NRXN3: variants seen among roughly 807,000 people sequenced by gnomAD.
The protein encoded by NRXN3 is neurexin III.
In NRXN3, 32 loss-of-function variants were observed where a neutral mutation model predicts 137.6. That is an observed-to-expected ratio of 0.23 (90% CI 0.18 to 0.31). The LOEUF is 0.31. Among genes scored for constraint, NRXN3 ranks in the 10% least tolerant of loss-of-function variants. The pLI is 1.00. For synonymous variants in NRXN3, 798 were observed against 784.5 expected (o/e 1.02, Z -0.29); for missense variants, 1,574 against 2,062.5 (o/e 0.76, Z 4.59).
chr14:79,537,633 A>G (rs60536527), intron 16 of NRXN3, among the ~76,000 whole-genome samples: 41,992 of 152,000 alleles, frequency 0.28, 6,766 homozygotes, highest in African/African-American at 0.44. Context: ...ATCATTTTCT[A>G]TGGCTGCATA....
At chr14:79,715,505 C>A (rs944979062) in intron 19 of NRXN3, among the ~76,000 whole-genome samples, 2 of 152,112 alleles carry the variant, frequency 1.3e-5, no homozygotes, top group Non-Finnish European at 2.9e-5. Context: ...TTATTCACTA[C>A]CTAATGTGAA....
chr14:79,316,096 G>A (rs1248708104), intron 15 of NRXN3, among the ~76,000 whole-genome samples: 3 of 152,198 alleles, frequency 2.0e-5, no homozygotes, highest in South Asian at 4.1e-4. Flanking sequence ...CGCGAGGAAG[G>A]TATGATTCTT....
chr14:79,171,151 A>G (rs202009343), intron 15 of NRXN3, among the ~76,000 whole-genome samples: 82 of 152,216 alleles, frequency 5.4e-4, no homozygotes, highest in African/African-American at 1.9e-3. Flanking sequence ...CCCCCCAGGC[A>G]TAGAAGCAGG....
At chr14:79,122,221 G>A (rs369025017) in intron 15 of NRXN3, among the ~76,000 whole-genome samples, 196 of 152,296 alleles carry the variant, frequency 1.3e-3, no homozygotes, top group African/African-American at 4.4e-3. Context: ...GGGGCTTGGG[G>A]CACTGGTTAA....
chr14:79,311,018 C>G (rs2087168411), intron 15 of NRXN3, among the ~76,000 whole-genome samples: 1 of 128,374 alleles, frequency 7.8e-6, no homozygotes. Context: ...TACCAGTTTT[C>G]AAAGGGAATG....
chr14:78,762,007 G>A (rs996061094), intron 8 of NRXN3, among the ~76,000 whole-genome samples: 20 of 152,132 alleles, frequency 1.3e-4, no homozygotes, highest in African/African-American at 4.3e-4. Flanking sequence ...AGGCTCAGAT[G>A]GATTCATTTA....
intron 10 of NRXN3, among the ~76,000 whole-genome samples, chr14:78,894,075 G>C (rs2099166826): frequency 6.6e-6 from 1 of 151,938 alleles, no homozygotes; most frequent in Admixed American, 6.6e-5. Context: ...GCTGCTCACT[G>C]ATCAGGGTAG....
chr14:78,208,943 C>T (rs1338683127), intron 1 of NRXN3, among the ~76,000 whole-genome samples: 1 of 152,116 alleles, frequency 6.6e-6, no homozygotes, highest in African/African-American at 2.4e-5. Flanking sequence ...CCCAGTATCT[C>T]CTGTAGTAGA....
chr14:79,705,427 A>C (rs1452697148), intron 19 of NRXN3, among the ~76,000 whole-genome samples: 1 of 152,202 alleles, frequency 6.6e-6, no homozygotes, highest in Non-Finnish European at 1.5e-5. Context: ...CCGGTGAGGC[A>C]GGATTATGCA....
chr14:78,485,433 T>C (rs1165563156), intron 4 of NRXN3, among the ~76,000 whole-genome samples: 2 of 152,322 alleles, frequency 1.3e-5, no homozygotes, highest in Admixed American at 6.5e-5. Context: ...TTCAGATGAC[T>C]ACAATAAACA....
At chr14:79,688,927 A>T (rs1341465110) in intron 17 of NRXN3, among the ~76,000 whole-genome samples, 1 of 152,166 alleles carries the variant, frequency 6.6e-6, no homozygotes. Context: ...TGTGACTAAT[A>T]TGTTTTTTTC....
intron 4 of NRXN3, among the ~76,000 whole-genome samples, chr14:78,425,678 T>G (rs1004551521): frequency 2.0e-5 from 3 of 152,138 alleles, no homozygotes; most frequent in African/African-American, 7.2e-5. Flanking sequence ...AGTAATAATT[T>G]GGTGATTTCA....
intron 4 of NRXN3, among the ~76,000 whole-genome samples, chr14:78,565,329 TC>T (rs746356873): frequency 4.2e-4 from 64 of 152,210 alleles, no homozygotes; most frequent in Non-Finnish European, 3.5e-4. Context: ...TCTCAGAAGC[TC>T]TTTCTCCACA....
intron 10 of NRXN3, among the ~76,000 whole-genome samples, chr14:78,941,843 A>G (rs2099353601): frequency 2.0e-5 from 3 of 152,330 alleles, no homozygotes; most frequent in Non-Finnish European, 4.4e-5. Context: ...CCCCTGTGCC[A>G]TCTTTGGGAT....
intron 1 of NRXN3, among the ~76,000 whole-genome samples, chr14:78,201,178 A>G (rs1195473208): frequency 6.6e-6 from 1 of 152,056 alleles, no homozygotes; most frequent in Non-Finnish European, 1.5e-5. Context: ...GGCACTGAAG[A>G]CTCTGGACCC....
chr14:79,241,616 T>C (rs978704408), intron 15 of NRXN3, among the ~76,000 whole-genome samples: 1 of 152,158 alleles, frequency 6.6e-6, no homozygotes, highest in East Asian at 1.9e-4. Context: ...ATTATTACAA[T>C]TCAAGGTGAG....
At chr14:79,384,704 G>A (rs2153459082) in intron 15 of NRXN3, among the ~76,000 whole-genome samples, 1 of 152,252 alleles carries the variant, frequency 6.6e-6, no homozygotes, top group African/African-American at 2.4e-5. Context: ...AGGTTTCAAT[G>A]CCTGACACTC....
intron 4 of NRXN3, among the ~76,000 whole-genome samples, chr14:78,308,033 T>G (rs886421437): frequency 6.6e-6 from 1 of 152,038 alleles, no homozygotes; most frequent in Non-Finnish European, 1.5e-5. Context: ...AGCTTTCCAG[T>G]CAGTTGTAAC....
intron 3 of NRXN3, among the ~76,000 whole-genome samples, chr14:78,284,614 G>C (rs922101046): frequency 2.0e-5 from 3 of 152,300 alleles, no homozygotes; most frequent in African/African-American, 4.8e-5. Flanking sequence ...GGCTCAGAAA[G>C]GTTTTTTTAA....
Sources: gnomAD v4.1 joint callset for allele counts (sites outside exome capture counted in the v4.1 genomes callset) on GRCh38, gnomAD v4.1.1 for gene constraint, MANE v1.5 for transcripts, NCBI Gene and HGNC (gene_info 2026-07-23, HGNC 2026-07-21) for gene names.